Variants in FANCD2 observed in about 807,000 individuals in gnomAD.
FANCD2 encodes FA complementation group D2.
Under a neutral mutation model 192.3 loss-of-function variants are expected in FANCD2, and 131 were observed. That is an observed-to-expected ratio of 0.68 (90% CI 0.59 to 0.79). The LOEUF is 0.79. FANCD2 is among the 30% of genes least tolerant of loss of function. The pLI, the probability that FANCD2 is intolerant of heterozygous loss-of-function variation, is 0.00. For missense variants in FANCD2, 1,508 were observed against 1,701.6 expected (o/e 0.89, Z 2.00); for synonymous variants, 524 against 612.5 (o/e 0.86, Z 2.13).
chr3:10,039,924 T>C (rs765382538), intron 9 of FANCD2, 79 bp downstream of exon 9: 1 of 1,538,490 alleles, frequency 6.5e-7, no homozygotes, highest in Non-Finnish European at 9.0e-7. Flanking sequence ...AGAGCAGTAG[T>C]AATATGGTCT....
rs1304350267 is a variant in FANCD2 at position 10,062,750 on chromosome 3, G to A, written c.1827+539G>A. 4.6e-5 allele frequency among the ~76,000 whole-genome samples: 7 copies of A among 151,694 alleles called. No homozygotes were observed. In the East Asian group the frequency reaches 9.8e-4, roughly 21 times the overall value. On this transcript the variant is annotated intron_variant, in intron 20 of 43. Coordinates refer to ENST00000675286, the MANE Select transcript of FANCD2 (RefSeq NM_001018115.3). ...TTTTAGATGGAGTCTCAACTCTGTCGCCAAGGCTGGAGTGCGGTGGTGCTT... is the reference window on the plus strand; with the variant it reads ...TTTTAGATGGAGTCTCAACTCTGTCACCAAGGCTGGAGTGCGGTGGTGCTT...
intron 1 of FANCD2, 87 bp from the exon 2 acceptor site, chr3:10,028,538 G>C: frequency 1.2e-6 from 1 of 854,842 alleles, no homozygotes; most frequent in Non-Finnish European, 2.0e-6. Context: ...TCTGATTTTG[G>C]ATAGAGCAGT....
At chr3:10,047,193 G>A (rs111469552) in intron 15 of FANCD2, among the ~76,000 whole-genome samples, 3 of 152,250 alleles carry the variant, frequency 2.0e-5, no homozygotes, top group African/African-American at 7.2e-5. Context: ...AGAATACCTC[G>A]CTGGGTCTTA....
chr3:10,073,004 G>A, intron 27 of FANCD2, 23 bp downstream of exon 27: 1 of 1,335,154 alleles, frequency 7.5e-7, no homozygotes, highest in Non-Finnish European at 1.1e-6. Flanking sequence ...TTTTCCTCTT[G>A]TCTTGTGTCT....
intron 10 of FANCD2, 140 bp downstream of exon 10, chr3:10,041,850 T>C: frequency 1.4e-6 from 1 of 693,812 alleles, no homozygotes; most frequent in Non-Finnish European, 2.6e-6. Context: ...CTCTTTTTTT[T>C]TTTTTTTCCC....
At chr3:10,092,116 T>G in intron 37 of FANCD2, 65 bp from the exon 38 acceptor site, 1 of 1,076,962 alleles carries the variant, frequency 9.3e-7, no homozygotes, top group Non-Finnish European at 1.5e-6. Flanking sequence ...TATATCTTAG[T>G]GGGAATACAG....
At position 10,086,987 on chromosome 3, in the gene FANCD2, G is replaced by T. The variant is rs540769547; in HGVS notation, c.3336-147G>T. On this transcript the variant is annotated intron_variant, in intron 33 of 43. Transcript: ENST00000675286. Reference sequence around the variant, plus strand: ...GTTTTCTACCAAGATGCTTGAAGAGGGTTGCTACTAAAGCACCTGAAAATA... The same window carrying T: ...GTTTTCTACCAAGATGCTTGAAGAGTGTTGCTACTAAAGCACCTGAAAATA... 3.4e-5 allele frequency: 29 copies of T among 854,748 alleles called. No homozygotes were observed. In the South Asian group the frequency reaches 3.9e-4, roughly 12 times the overall value. 52.9% of individuals were successfully genotyped at this position (854,748 alleles called of 1,614,324 possible).
At chr3:10,069,231 C>T (rs115303265) in intron 26 of FANCD2, among the ~76,000 whole-genome samples, 157 of 151,130 alleles carry the variant, frequency 1.0e-3, no homozygotes, top group African/African-American at 3.4e-3. Flanking sequence ...CCACAGAATG[C>T]GAGAAAATAT....
At position 10,047,910 on chromosome 3, in the gene FANCD2, A is replaced by T. The variant is rs935161395; in HGVS notation, c.1279-7A>T. On this transcript the variant is annotated splice_polypyrimidine_tract_variant and splice_region_variant and intron_variant, in intron 15 of 43. Coordinates refer to ENST00000675286, the MANE Select transcript of FANCD2 (RefSeq NM_001018115.3). ...TTCTTTTCTCTCTCTACTCTTCCCC[A>T]CTCAAGGTTCTTAAGGATATGTGTT... The T allele has an allele frequency of 2.5e-6, 4 of 1,612,234 alleles. No individual in the cohort carries two copies. In the African/African-American group the frequency reaches 5.3e-5, roughly 22 times the overall value.
chr3:10,064,781 C>T lies in FANCD2; in HGVS notation c.2074C>T (p.Gln692Ter). 1.9e-6 allele frequency: 3 copies of T among 1,614,094 alleles called. No individual in the cohort carries two copies. Among genetic ancestry groups the T allele is most frequent in the Non-Finnish European group, 2.5e-6 (3 of 1,179,902 alleles). Reference protein sequence around the residue: ...ALYGLEEYDTQDGIAINLLPL... With the variant: ...ALYGLEEYDT Reference sequence around the variant, plus strand: ...GTACGGACTGGAAGAATACGACACTCAGGATGGGATTGCCATAAACCTCCT... The same window carrying T: ...GTACGGACTGGAAGAATACGACACTTAGGATGGGATTGCCATAAACCTCCT... Residue 692 changes from glutamine (Q) to a stop codon, truncating the protein, a stop_gained, in exon 23 of 44, where the codon CAG becomes TAG. Coordinates refer to ENST00000675286, the MANE Select transcript of FANCD2 (RefSeq NM_001018115.3). LOFTEE classifies it high-confidence loss of function.
rs376836572 is a variant in FANCD2, at chr3:10,081,152, A to G, written c.3029A>G (p.Gln1010Arg). Residue 1010 changes from glutamine to arginine, a missense_variant, in exon 31 of 44, where the codon CAA (glutamine) becomes CGA (arginine). By Grantham distance (43) the Gln-to-Arg change is conservative. Around this residue, in one of 5 missense-constraint regions of FANCD2, gnomAD observed 796 missense variants for 879.4 expected, o/e 0.91. Transcript: ENST00000675286. ...GFSHLQQRSA[Q>R]EIVHCVFQLL... ...TCACATCTCCAACAGAGATCTGCCCAAGAAATTGTTCATTGTGTTTTTCAA... is the reference window on the plus strand; with the variant it reads ...TCACATCTCCAACAGAGATCTGCCCGAGAAATTGTTCATTGTGTTTTTCAA... The G allele has an allele frequency of 1.9e-6, 3 of 1,614,060 alleles. No homozygotes were observed. The highest frequency in any genetic ancestry group is 2.7e-5 in the African/African-American group (2 of 74,936).
chr3:10,078,168 C>G lies in FANCD2; in HGVS notation c.2947C>G (p.Pro983Ala), dbSNP rs199898736. ...SQKLESMLTP[P>A]IARRVPFLKN... The stretch of plus-strand genomic sequence containing the variant: ...GAAGCTGGAGAGTATGCTGACACCT[C>G]CTATTGCCAGGAGAGTCCCCTTTCT... The change falls in exon 30 of 44, where the codon CCT becomes GCT. Residue 983 changes from proline to alanine, a missense_variant. Transcript: ENST00000675286. The G allele has an allele frequency of 1.2e-6, 2 of 1,613,044 alleles. No homozygotes were observed. The highest frequency in any genetic ancestry group is 2.7e-5 in the African/African-American group (2 of 74,972).
At chr3:10,095,732 T>C (rs1411850791) in intron 41 of FANCD2, among the ~76,000 whole-genome samples, 1 of 152,226 alleles carries the variant, frequency 6.6e-6, no homozygotes, top group East Asian at 1.9e-4. Flanking sequence ...AGCCTTCTTA[T>C]AGTTAATGAG....
intron 9 of FANCD2, 56 bp from the exon 10 acceptor site, chr3:10,041,567 C>A: frequency 8.5e-7 from 1 of 1,170,482 alleles, no homozygotes; most frequent in Non-Finnish European, 1.3e-6. Context: ...AAGTCATTGT[C>A]TGCCCAGCTC....
At chr3:10,087,022 C>A in intron 33 of FANCD2, 112 bp from the exon 34 acceptor site, 1 of 1,154,570 alleles carries the variant, frequency 8.7e-7, no homozygotes, top group Non-Finnish European at 1.3e-6. Flanking sequence ...AAGGAGGATT[C>A]TGATTAGGCC....
At chr3:10,092,447 T>C (rs1418380043) in intron 38 of FANCD2, among the ~76,000 whole-genome samples, 195 bp downstream of exon 38, 1 of 151,822 alleles carries the variant, frequency 6.6e-6, no homozygotes, top group Non-Finnish European at 1.5e-5. Context: ...TTTTTTGTCT[T>C]TTCCTTCCTT....
chr3:10,090,435 A>G, intron 37 of FANCD2, 50 bp downstream of exon 37: 1 of 794,058 alleles, frequency 1.3e-6, no homozygotes, highest in Non-Finnish European at 2.0e-6. Context: ...ATTACTTGGA[A>G]GTTGCTGATT....
At chr3:10,061,407 A>G (rs1177675041) in intron 19 of FANCD2, among the ~76,000 whole-genome samples, 2 of 152,210 alleles carry the variant, frequency 1.3e-5, no homozygotes, top group Admixed American at 1.3e-4. Context: ...AAGAGGTTGC[A>G]GAGTGTGCAA....
chr3:10,082,165 A>G (rs1013818458), intron 32 of FANCD2, among the ~76,000 whole-genome samples: 1 of 152,230 alleles, frequency 6.6e-6, no homozygotes, highest in Non-Finnish European at 1.5e-5. Flanking sequence ...CTGGCTTAGT[A>G]AATGGTACCA....
Sources: gnomAD v4.1 joint callset for allele counts (sites outside exome capture counted in the v4.1 genomes callset) on GRCh38, gnomAD v4.1.1 for gene constraint, gnomAD v4.1.1 regional missense constraint, MANE v1.5 for transcripts, NCBI Gene and HGNC (gene_info 2026-07-23, HGNC 2026-07-21) for gene names.